The following DGKB variants were observed in gnomAD, a reference collection of about 807,000 sequenced individuals.
DGKB encodes the protein diacylglycerol kinase beta, also known as 90 kDa diacylglycerol kinase.
Under a neutral mutation model 114.3 loss-of-function variants are expected in DGKB, and 67 were observed. The observed-to-expected ratio is 0.59, with a 90% CI of 0.48 to 0.72. DGKB has a LOEUF of 0.72. Among genes scored for constraint, DGKB ranks in the 30% least tolerant of loss-of-function variants. The probability of loss-of-function intolerance (pLI) is 0.00; values close to 1 mark genes in which losing one functional copy is unlikely to be tolerated. For missense variants in DGKB, 907 were observed against 975.2 expected (o/e 0.93, Z 0.93); for synonymous variants, 398 against 323.1 (o/e 1.23, Z -2.49).
At chr7:14,822,494 T>A (rs1845082363) in intron 2 of DGKB, among the ~76,000 whole-genome samples, 1 of 152,150 alleles carries the variant, frequency 6.6e-6, no homozygotes, top group South Asian at 2.1e-4. Flanking sequence ...TCAAATAATT[T>A]GAAGAGCTCA....
intron 14 of DGKB, among the ~76,000 whole-genome samples, chr7:14,627,097 A>C (rs1017147501): frequency 1.2e-4 from 19 of 152,258 alleles, no homozygotes; most frequent in Non-Finnish European, 1.6e-4. Context: ...TAGATAAAAA[A>C]TTTTATTTAT....
chr7:14,339,542 G>A (rs948365996), intron 22 of DGKB, among the ~76,000 whole-genome samples: 32 of 152,024 alleles, frequency 2.1e-4, no homozygotes, highest in African/African-American at 7.5e-4. Context: ...ACAATGTTTT[G>A]TTATATTCAG....
intron 17 of DGKB, among the ~76,000 whole-genome samples, chr7:14,605,424 G>C (rs1217399056): frequency 3.3e-5 from 5 of 149,776 alleles, no homozygotes; most frequent in Non-Finnish European, 5.9e-5. Flanking sequence ...ATACGTTATA[G>C]ATAGAGGGGA....
At chr7:14,641,058 T>G (rs1811682678) in intron 13 of DGKB, among the ~76,000 whole-genome samples, 1 of 152,180 alleles carries the variant, frequency 6.6e-6, no homozygotes, top group African/African-American at 2.4e-5. Context: ...GTTCACATAT[T>G]TGGGAGCTTT....
At chr7:14,637,209 C>T (rs189389391) in intron 13 of DGKB, among the ~76,000 whole-genome samples, 8 of 152,000 alleles carry the variant, frequency 5.3e-5, no homozygotes, top group Non-Finnish European at 1.0e-4. Flanking sequence ...GAACTGTTAA[C>T]ATAAAAATTT....
At chr7:14,429,476 C>T (rs934170597) in intron 21 of DGKB, among the ~76,000 whole-genome samples, 4 of 152,104 alleles carry the variant, frequency 2.6e-5, no homozygotes, top group East Asian at 3.9e-4. Flanking sequence ...AGCCACTCAA[C>T]CTATGGAAAT....
Position 14,607,493 on chromosome 7 carries a change from G to T in DGKB, c.1374C>A (p.Phe458Leu), listed in dbSNP as rs1336285309. Residue 458 changes from phenylalanine to leucine, a missense_variant, in exon 17 of 26, where the codon TTC becomes TTA. Physicochemically the swap from Phe to Leu is conservative, Grantham distance 22. This residue lies in a region of DGKB where 814 missense variants were observed against 856.6 expected (regional missense o/e 0.95). Transcript: ENST00000402815. ...CCTGACGAGGATTTAATAGATACTG[G>T]AATTTTCTGTAAATTCTATAAAGGT... ...GKQGERIYRK[F>L]QYLLNPRQVY... 2 of 1,568,520 alleles carry T rather than the reference G, an allele frequency of 1.3e-6. No individual in the cohort carries two copies. Among genetic ancestry groups the T allele is most frequent in the Non-Finnish European group, 1.8e-6 (2 of 1,142,218 alleles).
intron 13 of DGKB, among the ~76,000 whole-genome samples, chr7:14,661,309 A>G (rs902336046): frequency 3.4e-5 from 5 of 147,570 alleles, no homozygotes; most frequent in Admixed American, 2.1e-4. Context: ...TACTCATCTG[A>G]CAAAGGGCTA....
At chr7:14,404,267 C>T (rs10227749) in intron 21 of DGKB, among the ~76,000 whole-genome samples, 99,031 of 151,018 alleles carry the variant, frequency 0.66, 33,716 homozygotes, top group Non-Finnish European at 0.75. Flanking sequence ...CATTTAACCT[C>T]CTATTCAATT....
At chr7:14,561,196 G>A (rs894912087) in intron 20 of DGKB, among the ~76,000 whole-genome samples, 5 of 152,148 alleles carry the variant, frequency 3.3e-5, no homozygotes, top group Admixed American at 6.6e-5. Flanking sequence ...GAAAGCTGAT[G>A]GTTGTATAAT....
At chr7:14,506,030 T>C (rs539906238) in intron 20 of DGKB, among the ~76,000 whole-genome samples, 20 of 152,312 alleles carry the variant, frequency 1.3e-4, no homozygotes, top group African/African-American at 4.8e-4. Context: ...TTGTTAAATG[T>C]ATACTCTCTA....
intron 21 of DGKB, among the ~76,000 whole-genome samples, chr7:14,387,666 C>T (rs959744911): frequency 6.6e-6 from 1 of 152,052 alleles, no homozygotes; most frequent in Non-Finnish European, 1.5e-5. Context: ...ATCTTCCTGA[C>T]TCAGCCTCCT....
intron 21 of DGKB, among the ~76,000 whole-genome samples, chr7:14,389,347 G>A (rs1040815080): frequency 6.6e-6 from 1 of 152,196 alleles, no homozygotes; most frequent in South Asian, 2.1e-4. Flanking sequence ...TCAGCAGGGT[G>A]CATCTGGCTG....
At position 14,673,724 on chromosome 7, in the gene DGKB, G is replaced by T. The variant is rs369838095; in HGVS notation, c.1036-697C>A. Among the ~76,000 whole-genome samples the T allele has an allele frequency of 1.3e-3, 191 of 151,974 alleles. 1 individual carries two copies. The highest frequency in any genetic ancestry group is 4.3e-3 in the African/African-American group (180 of 41,486). On this transcript the variant is annotated intron_variant, in intron 12 of 25. Coordinates refer to ENST00000402815, the MANE Select transcript of DGKB (RefSeq NM_001350709.2). Reference sequence around the variant, plus strand: ...TAAGTTTACATTAAGGTGTTACAACGTGGTGTTTTAAATAGTGATGTTTTA... The same window carrying T: ...TAAGTTTACATTAAGGTGTTACAACTTGGTGTTTTAAATAGTGATGTTTTA...
chr7:14,847,159 T>C (rs901257413), intron 1 of DGKB, among the ~76,000 whole-genome samples: 14 of 151,656 alleles, frequency 9.2e-5, no homozygotes, highest in African/African-American at 3.1e-4. Context: ...AGCGTGGTGG[T>C]GGGCACCTGT....
chr7:14,270,606 A>G (rs1798137171), intron 23 of DGKB, among the ~76,000 whole-genome samples: 1 of 152,236 alleles, frequency 6.6e-6, no homozygotes, highest in Non-Finnish European at 1.5e-5. Flanking sequence ...GCAATGATAA[A>G]TAAATAGGTG....
At chr7:14,932,442 A>G (rs1342541791) in intron 1 of DGKB, among the ~76,000 whole-genome samples, 1 of 152,220 alleles carries the variant, frequency 6.6e-6, no homozygotes. Flanking sequence ...GAAAAAATAA[A>G]GACTGTTTAT....
intron 21 of DGKB, among the ~76,000 whole-genome samples, chr7:14,471,470 A>T: frequency 6.8e-6 from 1 of 146,784 alleles, no homozygotes; most frequent in Non-Finnish European, 1.5e-5. Context: ...CAACACATAA[A>T]GAATAATAAT....
chr7:14,650,491 A>T (rs1814195977), intron 13 of DGKB, among the ~76,000 whole-genome samples: 1 of 56,102 alleles, frequency 1.8e-5, no homozygotes, highest in Non-Finnish European at 3.5e-5. Flanking sequence ...GGATGCATTC[A>T]AAGCAGTGTG....
Sources: allele counts gnomAD v4.1 joint callset (sites outside exome capture counted in the v4.1 genomes callset), GRCh38; gene constraint gnomAD v4.1.1; regional missense constraint gnomAD v4.1.1; transcripts MANE v1.5; gene names NCBI Gene and HGNC (gene_info 2026-07-23, HGNC 2026-07-21).